PYGL: variants seen among roughly 807,000 people sequenced by gnomAD.
The protein encoded by PYGL is glycogen phosphorylase L.
PYGL carries 90 observed loss-of-function variants against 100.1 expected under a neutral mutation model. The ratio of observed to expected loss-of-function variants is 0.90; its 90% confidence interval spans 0.76 to 1.07. The LOEUF is 1.07. PYGL is among the 50% of genes least tolerant of loss of function. The probability of loss-of-function intolerance (pLI) is 0.00; values close to 1 mark genes in which losing one functional copy is unlikely to be tolerated. For synonymous variants in PYGL, 373 were observed against 393.0 expected, an observed-to-expected ratio of 0.95 and a Z score of 0.60; for missense variants, 1,016 against 1,057.6, an observed-to-expected ratio of 0.96 and a Z score of 0.55.
chr14:50,911,912 A>T (rs375393033), intron 15 of PYGL, 41 bp from the exon 16 acceptor site: 1 of 1,613,972 alleles, frequency 6.2e-7, no homozygotes, highest in Non-Finnish European at 8.5e-7. Flanking sequence ...GAAGGCAGCC[A>T]TGATGAAGTA....
rs1452174011 is a variant in PYGL at position 50,944,304 on chromosome 14, G to T, written c.100C>A (p.Arg34=). ...TTGACCAGCGTGAAGTGCAGGTGCC[G>T]GTTGAAACTCTTCTTCAGCTCTGCC... ...NVAELKKSFN[R]HLHFTLVKDR... The change falls in exon 1 of 20, where the codon CGG becomes AGG. Residue 34 remains arginine, a synonymous_variant. Transcript: ENST00000216392. The T allele has an allele frequency of 6.2e-7, 1 of 1,613,984 alleles. No individual in the cohort carries two copies. The highest frequency in any genetic ancestry group is 1.1e-5 in the South Asian group (1 of 91,082).
rs1189295482 is a variant in PYGL, at chr14:50,930,477, TA to T, written c.528+1195del. Among the ~76,000 whole-genome samples the T allele has an allele frequency of 3.3e-5, 5 of 152,330 alleles. 1 individual carries two copies. The highest frequency in any genetic ancestry group is 1.2e-4 in the African/African-American group (5 of 41,576). On this transcript the variant is annotated intron_variant, in intron 4 of 19. Transcript: ENST00000216392. Reference sequence around the variant, plus strand: ...CAGCTTTTATTTATTTGGGGGTAGCTAAAGATAAACAGCTCTGGTCCTTAGC... The same window carrying T: ...CAGCTTTTATTTATTTGGGGGTAGCTAAGATAAACAGCTCTGGTCCTTAGC...
chr14:50,944,481 G>T lies in PYGL; in HGVS notation c.-78C>A. On this transcript the variant is annotated 5_prime_UTR_variant, in exon 1 of 20. Transcript: ENST00000216392. ...CGGAGGCGCTGGGCTGCCGGGCAGG[G>T]GTGGAGTCCGCCCCGCCGCGCCAGC... The T allele has an allele frequency of 6.8e-7, 1 of 1,475,914 alleles. No individual in the cohort carries two copies. Among genetic ancestry groups the T allele is most frequent in the South Asian group, 1.3e-5 (1 of 75,098 alleles). 91.4% of individuals were successfully genotyped at this position (1,475,914 alleles called of 1,614,324 possible).
At chr14:50,931,947 C>T (rs1401199183) in intron 3 of PYGL, among the ~76,000 whole-genome samples, 171 bp from the exon 4 acceptor site, 2 of 152,130 alleles carry the variant, frequency 1.3e-5, no homozygotes, top group South Asian at 2.1e-4. Flanking sequence ...AAAAATAACT[C>T]ATTTCTAATT....
At chr14:50,920,118 T>C (rs2050487091) in intron 7 of PYGL, among the ~76,000 whole-genome samples, 1 of 152,096 alleles carries the variant, frequency 6.6e-6, no homozygotes, top group African/African-American at 2.4e-5. Flanking sequence ...TCTAACTCCA[T>C]CTAGCATCAG....
intron 5 of PYGL, among the ~76,000 whole-genome samples, chr14:50,922,670 C>T (rs536232737): frequency 6.6e-5 from 10 of 152,166 alleles, no homozygotes; most frequent in African/African-American, 1.4e-4. Flanking sequence ...ACACTAGGGC[C>T]GAGACTTCTC....
intron 1 of PYGL, among the ~76,000 whole-genome samples, chr14:50,939,582 T>TA (rs371918661): frequency 0.014 from 2,073 of 145,556 alleles, 21 homozygotes; most frequent in Non-Finnish European, 0.021. Flanking sequence ...GTTTACTAAT[T>TA]AAAAAAAAAA....
At chr14:50,908,488 C>T in intron 18 of PYGL, 151 bp from the exon 19 acceptor site, 2 of 801,880 alleles carry the variant, frequency 2.5e-6, no homozygotes, top group Non-Finnish European at 2.1e-6. Context: ...TTTTAACCAG[C>T]CCTCAACCTT....
chr14:50,932,806 C>G (rs964231468), intron 3 of PYGL, among the ~76,000 whole-genome samples: 7 of 152,112 alleles, frequency 4.6e-5, no homozygotes, highest in Non-Finnish European at 1.0e-4. Flanking sequence ...AGGAAGTGTA[C>G]AGTAGGAATT....
intron 4 of PYGL, among the ~76,000 whole-genome samples, chr14:50,927,510 C>G (rs1596045009): frequency 6.6e-6 from 1 of 152,198 alleles, no homozygotes; most frequent in East Asian, 1.9e-4. Context: ...CAGGCGTGAG[C>G]CACCACGATA....
At position 50,944,228 on chromosome 14, in the gene PYGL, G is replaced by T. The variant is rs150483902; in HGVS notation, c.176C>A (p.Thr59Lys). 10 of 1,613,032 alleles carry T rather than the reference G, an allele frequency of 6.2e-6. No individual in the cohort carries two copies. The highest frequency in any genetic ancestry group is 1.3e-5 in the African/African-American group (1 of 74,936). ...GCGCCCCACCAGGTGGTCGCGCACC[G>T]TGTGCGCCAGCGCGAAGTAGTAGTC... ...TRDYYFALAHTVRDHLVGRWI... is the reference protein window; with the variant it reads ...TRDYYFALAHKVRDHLVGRWI... The change falls in exon 1 of 20, where the codon ACG (threonine) becomes AAG (lysine). Residue 59 changes from threonine (T) to lysine (K), a missense_variant. By Grantham distance (78) the Thr-to-Lys change is moderately conservative (BLOSUM62 -1). Transcript: ENST00000216392.
At position 50,914,787 on chromosome 14, in the gene PYGL, C is replaced by A. The variant is rs1453358130; in HGVS notation, c.1432G>T (p.Asp478Tyr). The A allele has an allele frequency of 6.2e-7, 1 of 1,613,796 alleles. No homozygotes were observed. Among genetic ancestry groups the A allele is most frequent in the African/African-American group, 1.3e-5 (1 of 74,888 alleles). ...CCATTGGTTTTATTCTGAAACTTGT[C>A]AGGTTCTAGCTCACTGAAGTCCTTG... Reference protein sequence around the residue: ...VFKDFSELEPDKFQNKTNGIT... With the variant: ...VFKDFSELEPYKFQNKTNGIT... The change falls in exon 12 of 20, where the codon GAC (aspartate) becomes TAC (tyrosine). Residue 478 changes from aspartate (D) to tyrosine (Y), a missense_variant. Transcript: ENST00000216392.
At chr14:50,907,913 G>A (rs1397314601) in intron 19 of PYGL, among the ~76,000 whole-genome samples, 1 of 151,656 alleles carries the variant, frequency 6.6e-6, no homozygotes, top group African/African-American at 2.4e-5. Flanking sequence ...AAGTGTGGTG[G>A]CACGTGCCTA....
At chr14:50,931,641 A>G in intron 4 of PYGL, 32 bp downstream of exon 4, 1 of 1,556,756 alleles carries the variant, frequency 6.4e-7, no homozygotes, top group South Asian at 1.1e-5. Flanking sequence ...GAAGTACCTT[A>G]ATGACAAAAT....
intron 2 of PYGL, 109 bp downstream of exon 2, chr14:50,937,627 G>A (rs1170082251): frequency 1.1e-5 from 12 of 1,087,580 alleles, no homozygotes; most frequent in Middle Eastern, 2.0e-4. Context: ...CTATAGAGGC[G>A]ATTTTTCACT....
intron 4 of PYGL, among the ~76,000 whole-genome samples, chr14:50,927,626 A>T (rs1200694624): frequency 6.6e-6 from 1 of 152,200 alleles, no homozygotes. Context: ...TTTTAGCTTC[A>T]TGGGGCTAAC....
intron 4 of PYGL, among the ~76,000 whole-genome samples, chr14:50,926,720 T>C (rs2050550559): frequency 1.1e-5 from 1 of 88,300 alleles, no homozygotes. Flanking sequence ...AGTGAGACTC[T>C]GTCTCAAAAA....
rs762936904 is a variant in PYGL, at chr14:50,917,039, T to C, written c.922A>G (p.Ile308Val). ...YFVVAATLQD[I>V]IRRFKASKFG... ...TTGGAGGCTTTGAAACGGCGGATGA[T>C]ATCTTGCAAGGTTGCAGCCACCACA... The change falls in exon 8 of 20, where the codon ATC (isoleucine) becomes GTC (valine). Residue 308 changes from isoleucine (I) to valine (V), a missense_variant. By Grantham distance (29) the Ile-to-Val change is conservative. Coordinates refer to ENST00000216392, the MANE Select transcript of PYGL (RefSeq NM_002863.5). The C allele has an allele frequency of 6.2e-7, 1 of 1,613,978 alleles. No individual in the cohort carries two copies. The highest frequency in any genetic ancestry group is 8.5e-7 in the Non-Finnish European group (1 of 1,179,822).
At chr14:50,937,905 G>C in intron 1 of PYGL, 68 bp from the exon 2 acceptor site, 1 of 1,375,388 alleles carries the variant, frequency 7.3e-7, no homozygotes, top group Non-Finnish European at 1.0e-6. Context: ...AAAAACACAA[G>C]GTCATGTGTT....
Sources: allele counts gnomAD v4.1 joint callset (sites outside exome capture counted in the v4.1 genomes callset), GRCh38; gene constraint gnomAD v4.1.1; transcripts MANE v1.5; gene names NCBI Gene and HGNC (gene_info 2026-07-23, HGNC 2026-07-21).